The following SPATS2L variants were observed in gnomAD, a reference collection of about 807,000 sequenced individuals.
SPATS2L encodes the protein spermatogenesis associated serine rich 2 like, also known as SPATS2-like protein.
A neutral mutation model predicts 59.6 loss-of-function variants in SPATS2L; 30 were observed. The ratio of observed to expected loss-of-function variants is 0.50; its 90% CI spans 0.38 to 0.68. The LOEUF (loss-of-function observed/expected upper bound fraction) is 0.68. SPATS2L is among the 30% of genes least tolerant of loss of function. The pLI is 0.00. For synonymous variants in SPATS2L, 252 were observed against 263.5 expected (o/e 0.96, Z 0.42); for missense variants, 615 against 700.0 (o/e 0.88, Z 1.37).
At chr2:200,354,687 C>T (rs1215322769) in intron 2 of SPATS2L, among the ~76,000 whole-genome samples, 1 of 152,100 alleles carries the variant, frequency 6.6e-6, no homozygotes, top group African/African-American at 2.4e-5. Context: ...CTCACCATTG[C>T]GAGAGGCTAG....
rs2084407352 is a variant in SPATS2L, at chr2:200,437,869, AG to A, written c.446-1251del. Among the ~76,000 whole-genome samples the A allele has an allele frequency of 2.6e-5, 4 of 152,248 alleles. No individual in the cohort carries two copies. The South Asian group carries it at 8.3e-4, about 32-fold the overall frequency. ...TTCAAGTGTAGTCTCTGACTGTGTC[AG>A]GTAAGATATTCATTGTTTTTTATTT... On this transcript the variant is annotated intron_variant, in intron 6 of 12. Coordinates refer to ENST00000409140, the MANE Select transcript of SPATS2L (RefSeq NM_001100423.2).
At chr2:200,328,915 T>G (rs934569415) in intron 1 of SPATS2L, among the ~76,000 whole-genome samples, 1 of 152,170 alleles carries the variant, frequency 6.6e-6, no homozygotes, top group Non-Finnish European at 1.5e-5. Flanking sequence ...TTGGACAAGA[T>G]ATTTTGGTGA....
At chr2:200,430,402 A>C (rs1051012926) in intron 6 of SPATS2L, among the ~76,000 whole-genome samples, 2 of 152,036 alleles carry the variant, frequency 1.3e-5, no homozygotes, top group African/African-American at 4.8e-5. Context: ...ACTTTACACT[A>C]ATTGAGGAAA....
chr2:200,388,638 A>G (rs942190426), intron 2 of SPATS2L, among the ~76,000 whole-genome samples: 1 of 146,086 alleles, frequency 6.8e-6, no homozygotes, highest in Non-Finnish European at 1.5e-5. Flanking sequence ...GAAAAAGACT[A>G]CAGGAAAGGA....
chr2:200,372,504 C>T (rs773378880), intron 2 of SPATS2L, among the ~76,000 whole-genome samples: 9 of 152,078 alleles, frequency 5.9e-5, no homozygotes, highest in African/African-American at 1.2e-4. Context: ...CAAAATTTAA[C>T]GCACTGAGAA....
At chr2:200,457,030 G>T (rs1023110293) in intron 8 of SPATS2L, among the ~76,000 whole-genome samples, 1 of 151,972 alleles carries the variant, frequency 6.6e-6, no homozygotes, top group African/African-American at 2.4e-5. Context: ...TTCCCTTTCT[G>T]TAAGGGATAA....
At chr2:200,340,083 A>G (rs2080271612) in intron 2 of SPATS2L, among the ~76,000 whole-genome samples, 1 of 152,094 alleles carries the variant, frequency 6.6e-6, no homozygotes, top group African/African-American at 2.4e-5. Flanking sequence ...ACCTCGACCC[A>G]CGTCACATCT....
intron 3 of SPATS2L, among the ~76,000 whole-genome samples, chr2:200,396,059 T>A (rs1213046507): frequency 1.1e-5 from 1 of 87,340 alleles, no homozygotes; most frequent in African/African-American, 4.2e-5. Context: ...TATATATATA[T>A]ATATATATTT....
At chr2:200,324,103 C>T (rs904854455) in intron 1 of SPATS2L, among the ~76,000 whole-genome samples, 10 of 152,256 alleles carry the variant, frequency 6.6e-5, no homozygotes, top group African/African-American at 2.2e-4. Context: ...TTATCCTGGG[C>T]GGCTATGTTC....
chr2:200,338,023 T>C lies in SPATS2L; in HGVS notation c.-23+8543T>C, dbSNP rs369060224. 5.2e-4 allele frequency among the ~76,000 whole-genome samples: 79 copies of C among 152,310 alleles called. No individual in the cohort carries two copies. In the South Asian group the frequency reaches 1.0e-2, roughly 19 times the overall value. ...GAACCAGATATACTCTGAAACAAAT[T>C]AACTTTTTTGTTGTTTTTTGAGACG... On this transcript the variant is annotated intron_variant, in intron 2 of 12. Transcript: ENST00000409140.
chr2:200,422,343 C>A (rs1324109057), intron 6 of SPATS2L, among the ~76,000 whole-genome samples: 1 of 151,998 alleles, frequency 6.6e-6, no homozygotes, highest in Non-Finnish European at 1.5e-5. Flanking sequence ...CCAAGACCAG[C>A]CTGGGCAACA....
Position 200,480,135 on chromosome 2 carries a change from A to G in SPATS2L, c.*2104A>G, listed in dbSNP as rs2087742862. On this transcript the variant is annotated 3_prime_UTR_variant, in exon 13 of 13. Coordinates refer to ENST00000409140, the MANE Select transcript of SPATS2L (RefSeq NM_001100423.2). ...GTCAAGTAATTCTTGGAACAGGGAAAAAAATGAATTTGCCAGGTCAGGAGT... is the reference window on the plus strand; with the variant it reads ...GTCAAGTAATTCTTGGAACAGGGAAGAAAATGAATTTGCCAGGTCAGGAGT... 6.1e-6 allele frequency: 1 copy of G among 162,710 alleles called. No individual in the cohort carries two copies. The highest frequency in any genetic ancestry group is 2.4e-5 in the African/African-American group (1 of 42,104). 10.1% of individuals were successfully genotyped at this position (162,710 alleles called of 1,614,324 possible).
intron 2 of SPATS2L, among the ~76,000 whole-genome samples, chr2:200,331,622 G>A (rs762724770): frequency 3.3e-5 from 5 of 152,144 alleles, no homozygotes. Context: ...AACAGCAGTG[G>A]GACCTTGGTC....
intron 2 of SPATS2L, among the ~76,000 whole-genome samples, chr2:200,344,236 TCAAGTAGGCCC>T (rs2080433545): frequency 6.6e-6 from 1 of 152,078 alleles, no homozygotes; most frequent in South Asian, 2.1e-4. Context: ...CCCTCCATAC[TCAAGTAGGCCC>T]CAGTGTCTGT....
At chr2:200,400,757 T>C (rs542970167) in intron 3 of SPATS2L, among the ~76,000 whole-genome samples, 11 of 152,352 alleles carry the variant, frequency 7.2e-5, no homozygotes, top group African/African-American at 2.2e-4. Context: ...ATTAAAGAAG[T>C]TGTATTTAAC....
intron 3 of SPATS2L, among the ~76,000 whole-genome samples, chr2:200,408,837 T>C (rs772108340): frequency 2.6e-5 from 4 of 152,232 alleles, no homozygotes; most frequent in Non-Finnish European, 5.9e-5. Context: ...GAGAGGATCA[T>C]GACTAAAACA....
intron 9 of SPATS2L, chr2:200,463,320 G>A (rs1030215299): frequency 5.3e-5 from 8 of 152,072 alleles, no homozygotes; most frequent in African/African-American, 1.4e-4. Flanking sequence ...AATTATAACA[G>A]AAGCTCCTAA....
intron 6 of SPATS2L, among the ~76,000 whole-genome samples, chr2:200,424,138 C>A (rs913937436): frequency 6.6e-6 from 1 of 151,922 alleles, no homozygotes; most frequent in African/African-American, 2.4e-5. Context: ...TTTACATAAT[C>A]CAATCAAAAT....
chr2:200,309,042 T>A (rs2079114271), intron 1 of SPATS2L: 1 of 717,944 alleles, frequency 1.4e-6, no homozygotes, highest in African/African-American at 1.7e-5. Context: ...ACCGTTGCAG[T>A]CTTTGATTGC....
Sources: allele counts gnomAD v4.1 joint callset (sites outside exome capture counted in the v4.1 genomes callset), GRCh38; gene constraint gnomAD v4.1.1; transcripts MANE v1.5; gene names NCBI Gene and HGNC (gene_info 2026-07-23, HGNC 2026-07-21).